Variants in DENND2B observed in about 807,000 individuals in gnomAD.
DENND2B encodes DENN domain containing 2B.
In DENND2B, 32 loss-of-function variants were observed where a neutral mutation model predicts 116.0. That is an observed-to-expected ratio of 0.28 (90% confidence interval 0.21 to 0.37). The LOEUF (loss-of-function observed/expected upper bound fraction) is 0.37, where lower values mean the gene tolerates loss of function less well. DENND2B is among the 10% of genes least tolerant of loss of function. DENND2B has a pLI of 1.00. For synonymous variants in DENND2B, 588 were observed against 583.9 expected, an observed-to-expected ratio of 1.01 and a Z score of -0.10; for missense variants, 1,276 against 1,477.7, an observed-to-expected ratio of 0.86 and a Z score of 2.24.
intron 17 of DENND2B, 84 bp downstream of exon 17, chr11:8,697,441 G>C: frequency 1.0e-6 from 1 of 1,004,642 alleles, no homozygotes. Context: ...GGTGTGCAGA[G>C]GCAGAGTTCT....
chr11:8,766,012 G>C (rs2055689265), intron 1 of DENND2B, among the ~76,000 whole-genome samples: 1 of 152,056 alleles, frequency 6.6e-6, no homozygotes, highest in African/African-American at 2.4e-5. Context: ...CTGGGTGACA[G>C]AGTGAGACTT....
In DENND2B at chr11:8,710,902, A is replaced by G. The variant is rs1446787921; in HGVS notation, c.2295T>C (p.Ser765=). ...TGCCATCTTCCCCAGTCAGCATGAAAGAAAAGGTCTCACTGGAACAAAGAG... is the reference window on the plus strand; with the variant it reads ...TGCCATCTTCCCCAGTCAGCATGAAGGAAAAGGTCTCACTGGAACAAAGAG... ...PVSEYSSETF[S]FMLTGEDGSR... The change falls in exon 11 of 20, where the codon TCT becomes TCC. Residue 765 remains serine (S), a synonymous_variant. Transcript: ENST00000313726. The G allele has an allele frequency of 1.2e-6, 2 of 1,614,154 alleles. No homozygotes were observed. Among genetic ancestry groups the G allele is most frequent in the Non-Finnish European group, 1.7e-6 (2 of 1,180,000 alleles).
chr11:8,854,903 G>A (rs1007497594), intron 3 of DENND2B, among the ~76,000 whole-genome samples: 1 of 152,108 alleles, frequency 6.6e-6, no homozygotes, highest in Non-Finnish European at 1.5e-5. Context: ...AGTAGAGATG[G>A]GTTTTGCCAT....
chr11:8,874,313 T>A (rs1566076749), upstream of DENND2B, among the ~76,000 whole-genome samples: 1 of 152,226 alleles, frequency 6.6e-6, no homozygotes, highest in South Asian at 2.1e-4. Context: ...ACACATCTTG[T>A]AGCTAAGGGT....
chr11:8,702,638 T>C lies in DENND2B; in HGVS notation c.2654A>G (p.Gln885Arg). ...CAGTGAGGCAAAGATTCGGATGAGC[T>C]GGCGCACACTGAGGCAGGTAAAAAG... ...ECLFTCLSVR[Q>R]LIRIFASLLL... The change falls in exon 14 of 20, where the codon CAG (glutamine) becomes CGG (arginine). Residue 885 changes from glutamine (Q) to arginine (R), a missense_variant. By Grantham distance (43) the Gln-to-Arg change is conservative. Transcript: ENST00000313726. This position sits in a 1 kb window ranked among gnomAD's most constrained non-coding sequence, Gnocchi z 4.6. The C allele has an allele frequency of 1.9e-6, 3 of 1,613,966 alleles. No homozygotes were observed. In the South Asian group the frequency reaches 3.3e-5, roughly 18 times the overall value.
intron 1 of DENND2B, among the ~76,000 whole-genome samples, chr11:8,904,415 A>G (rs2134765837): frequency 6.6e-6 from 1 of 152,344 alleles, no homozygotes; most frequent in South Asian, 2.1e-4. Flanking sequence ...ATTTTTAAAG[A>G]TAGATGAGAA....
At chr11:8,834,031 C>T (rs999699361) in intron 4 of DENND2B, among the ~76,000 whole-genome samples, 2 of 152,110 alleles carry the variant, frequency 1.3e-5, no homozygotes, top group African/African-American at 4.8e-5. Context: ...CAAAGATGAA[C>T]TCAAAAAGAG....
intron 13 of DENND2B, 117 bp downstream of exon 13, chr11:8,706,968 A>G: frequency 7.6e-7 from 1 of 1,321,222 alleles, no homozygotes; most frequent in Non-Finnish European, 1.0e-6. Context: ...GTACACAGAC[A>G]TGGTTGAGCA....
intron 1 of DENND2B, chr11:8,774,344 T>C: frequency 2.0e-6 from 2 of 984,498 alleles, no homozygotes; most frequent in Non-Finnish European, 2.4e-6. Flanking sequence ...TTCTGACTAG[T>C]GAAAGCACAC....
At chr11:8,719,514 T>C (rs2045760876) in intron 4 of DENND2B, among the ~76,000 whole-genome samples, 1 of 152,194 alleles carries the variant, frequency 6.6e-6, no homozygotes, top group Non-Finnish European at 1.5e-5. Flanking sequence ...AGTCATGCTA[T>C]TAAAATGACT....
At chr11:8,796,775 G>A (rs866654673) in intron 1 of DENND2B, among the ~76,000 whole-genome samples, 2 of 152,122 alleles carry the variant, frequency 1.3e-5, no homozygotes, top group African/African-American at 2.4e-5. Flanking sequence ...TGCAATCTAA[G>A]ACATCTAACT....
chr11:8,750,641 G>A lies in DENND2B; in HGVS notation c.60C>T (p.Ala20=). ...SITHGAGGTK[A]PRGTLSRSQS... ...CCCACCTGCTCAGAGTCCCCCGAGG[G>A]GCTTTAGTGCCACCAGCTCCGTGGG... Residue 20 remains alanine, a synonymous_variant, in exon 2 of 20, where the codon GCC becomes GCT. Coordinates refer to ENST00000313726, the MANE Select transcript of DENND2B (RefSeq NM_213618.2). The A allele has an allele frequency of 2.5e-6, 4 of 1,614,090 alleles. No homozygotes were observed. Among genetic ancestry groups the A allele is most frequent in the South Asian group, 1.1e-5 (1 of 91,072 alleles).
chr11:8,766,597 C>T (rs143763185), intron 1 of DENND2B: 3 of 1,288,094 alleles, frequency 2.3e-6, no homozygotes, highest in Non-Finnish European at 3.0e-6. Context: ...CACTGAAAGG[C>T]CAACTCAGGC....
At chr11:8,748,412 G>A (rs1161290207) in intron 2 of DENND2B, among the ~76,000 whole-genome samples, 3 of 152,210 alleles carry the variant, frequency 2.0e-5, no homozygotes, top group Admixed American at 6.5e-5. Flanking sequence ...TGAGTTCACC[G>A]ACAATGCCTT....
chr11:8,715,532 AAGAG>A (rs749201671), intron 6 of DENND2B, 67 bp downstream of exon 6: 2 of 1,504,506 alleles, frequency 1.3e-6, no homozygotes, highest in Non-Finnish European at 1.8e-6. Context: ...GAAGCCAGGA[AAGAG>A]AGAGAAAGGC....
intron 11 of DENND2B, among the ~76,000 whole-genome samples, chr11:8,710,362 C>T (rs1305838212): frequency 6.6e-6 from 1 of 152,068 alleles, no homozygotes; most frequent in African/African-American, 2.4e-5. Flanking sequence ...CTGTCCCTGC[C>T]CAATCTCCAG....
chr11:8,767,348 TG>T (rs2056023017), intron 1 of DENND2B, among the ~76,000 whole-genome samples: 2 of 152,068 alleles, frequency 1.3e-5, no homozygotes, highest in Non-Finnish European at 2.9e-5. Context: ...GGCTCTCGTG[TG>T]AAAAAGGGAT....
At chr11:8,846,470 G>T (rs1323048988) in intron 3 of DENND2B, among the ~76,000 whole-genome samples, 3 of 152,198 alleles carry the variant, frequency 2.0e-5, no homozygotes, top group Non-Finnish European at 4.4e-5. Flanking sequence ...CACTCCAAGA[G>T]AAGGCTCATG....
Position 8,730,354 on chromosome 11 carries a change from C to T in DENND2B, c.936G>A (p.Arg312=), listed in dbSNP as rs752912601. The T allele has an allele frequency of 1.2e-6, 2 of 1,601,056 alleles. No homozygotes were observed. Among genetic ancestry groups the T allele is most frequent in the African/African-American group, 2.7e-5 (2 of 74,924 alleles). Reference sequence around the variant, plus strand: ...CCAAGGTTCCAGTCTTCCTTTTCCCCCGGTCCACGCTGTAGCAGCTGCTGG... The same window carrying T: ...CCAAGGTTCCAGTCTTCCTTTTCCCTCGGTCCACGCTGTAGCAGCTGCTGG... ...QLPSSCYSVD[R]GKRKTGTLGS... Residue 312 remains arginine (R), a synonymous_variant, in exon 3 of 20, where the codon CGG becomes CGA. Coordinates refer to ENST00000313726, the MANE Select transcript of DENND2B (RefSeq NM_213618.2). This position sits in a 1 kb window ranked among gnomAD's most constrained non-coding sequence, Gnocchi z 4.1.
Sources: allele counts gnomAD v4.1 joint callset (sites outside exome capture counted in the v4.1 genomes callset), GRCh38; gene constraint gnomAD v4.1.1; non-coding constraint Gnocchi (gnomAD v3.1); transcripts MANE v1.5; gene names NCBI Gene and HGNC (gene_info 2026-07-23, HGNC 2026-07-21).